TCF7L2: variants seen among roughly 807,000 people sequenced by gnomAD.
The protein encoded by TCF7L2 is transcription factor 7-like 2.
Under a neutral mutation model 77.9 loss-of-function variants are expected in TCF7L2, and 23 were observed. The ratio of observed to expected loss-of-function variants is 0.30; its 90% CI spans 0.21 to 0.42. TCF7L2 has a LOEUF of 0.42. Among genes scored for constraint, TCF7L2 ranks in the 10% least tolerant of loss-of-function variants. The pLI is 1.00. For missense variants in TCF7L2, 654 were observed against 793.1 expected (o/e 0.82, Z 2.11); for synonymous variants, 413 against 340.2 (o/e 1.21, Z -2.36).
chr10:113,116,282 C>G (rs546383907), intron 5 of TCF7L2, among the ~76,000 whole-genome samples: 4 of 152,102 alleles, frequency 2.6e-5, no homozygotes, highest in African/African-American at 4.8e-5. Flanking sequence ...AGATTTGATA[C>G]TCTCAAGTAT....
At chr10:113,130,161 C>G (rs1356933809) in intron 5 of TCF7L2, among the ~76,000 whole-genome samples, 6 of 152,036 alleles carry the variant, frequency 3.9e-5, no homozygotes. Context: ...TTCTTTGAGT[C>G]CTTTTCACAG....
At chr10:113,165,519 C>T (rs1444858019) in intron 13 of TCF7L2, 36 bp from the exon 15 acceptor site, 55 of 1,602,526 alleles carry the variant, frequency 3.4e-5, no homozygotes, top group Non-Finnish European at 4.6e-5. Flanking sequence ...GCATCTGTGC[C>T]CTCTATTCAC....
chr10:112,980,222 G>A (rs1033395853), intron 4 of TCF7L2, among the ~76,000 whole-genome samples: 3 of 152,208 alleles, frequency 2.0e-5, no homozygotes, highest in South Asian at 2.1e-4. Context: ...GAAAGCCTCC[G>A]CTTTGCGGGT....
At chr10:112,996,418 T>G (rs1487245623) in intron 4 of TCF7L2, among the ~76,000 whole-genome samples, 1 of 152,064 alleles carries the variant, frequency 6.6e-6, no homozygotes, top group Non-Finnish European at 1.5e-5. Flanking sequence ...CCTAAGATAC[T>G]AAAGGAAATA....
At chr10:112,986,132 G>C (rs143327554) in intron 4 of TCF7L2, among the ~76,000 whole-genome samples, 2 of 151,998 alleles carry the variant, frequency 1.3e-5, no homozygotes, top group African/African-American at 4.8e-5. Context: ...TGGTTATGTG[G>C]GTACTCAGGC....
intron 4 of TCF7L2, among the ~76,000 whole-genome samples, chr10:113,006,642 T>C (rs2045603999): frequency 6.6e-6 from 1 of 152,242 alleles, no homozygotes; most frequent in Non-Finnish European, 1.5e-5. Flanking sequence ...TACTTCTGAT[T>C]CCTATAGCCA....
intron 5 of TCF7L2, among the ~76,000 whole-genome samples, chr10:113,101,592 C>T (rs2061642000): frequency 6.6e-6 from 1 of 151,950 alleles, no homozygotes; most frequent in South Asian, 2.1e-4. Flanking sequence ...CCTGTAATCC[C>T]AGCACTTTGG....
At chr10:112,988,164 C>G (rs1313137630) in intron 4 of TCF7L2, among the ~76,000 whole-genome samples, 2 of 151,590 alleles carry the variant, frequency 1.3e-5, no homozygotes, top group Non-Finnish European at 2.9e-5. Context: ...TACAGTGGCT[C>G]TCAGCTCACG....
At chr10:113,038,499 A>T (rs968925338) in intron 4 of TCF7L2, among the ~76,000 whole-genome samples, 1 of 152,058 alleles carries the variant, frequency 6.6e-6, no homozygotes, top group Non-Finnish European at 1.5e-5. Context: ...TTTGGTTTGA[A>T]TTTGCCAAGC....
intron 5 of TCF7L2, among the ~76,000 whole-genome samples, chr10:113,076,722 CT>C (rs1335286243): frequency 1.3e-5 from 2 of 152,146 alleles, no homozygotes; most frequent in African/African-American, 4.8e-5. Context: ...TGTTAAGTGG[CT>C]TTGTTGAAGA....
chr10:113,164,768 G>A (rs904214087), intron 13 of TCF7L2, among the ~76,000 whole-genome samples: 7 of 149,230 alleles, frequency 4.7e-5, no homozygotes, highest in Non-Finnish European at 3.0e-5. Flanking sequence ...TTTTTGTTTC[G>A]TTTTTTGTTT....
In TCF7L2 at chr10:112,992,068, C is replaced by T. The variant is rs142084542; in HGVS notation, c.450+27444C>T. ...ACAAAGCATGTCTGAACAAGAGCTC[C>T]GTTGTTCATTCCCAGCCCTGTTACC... On this transcript the variant is annotated intron_variant, in intron 4 of 13. Coordinates refer to ENST00000627217, the MANE Select transcript of TCF7L2 (RefSeq NM_001146274.2). Among the ~76,000 whole-genome samples the T allele has an allele frequency of 3.1e-3, 467 of 152,236 alleles. 6 individuals are homozygous for T. The highest frequency in any genetic ancestry group is 0.011 in the African/African-American group (455 of 41,544).
At chr10:113,105,687 G>A (rs1323652310) in intron 5 of TCF7L2, among the ~76,000 whole-genome samples, 3 of 152,136 alleles carry the variant, frequency 2.0e-5, no homozygotes, top group Non-Finnish European at 4.4e-5. Flanking sequence ...TCTTTGCTCT[G>A]CCTTTCTTCG....
intron 3 of TCF7L2, among the ~76,000 whole-genome samples, chr10:112,962,417 C>T (rs2035499818): frequency 1.3e-5 from 2 of 152,088 alleles, no homozygotes; most frequent in Non-Finnish European, 2.9e-5. Flanking sequence ...ACTTTCTGGC[C>T]AAGAATTCCA....
chr10:113,036,749 A>C (rs116591429), intron 4 of TCF7L2, among the ~76,000 whole-genome samples: 2 of 151,984 alleles, frequency 1.3e-5, no homozygotes, highest in African/African-American at 2.4e-5. Context: ...AGGAATTCCC[A>C]CAGCCCCATT....
In TCF7L2 at chr10:113,074,079, G is replaced by T. The variant is rs1285836827; in HGVS notation, c.552+33953G>T. Among the ~76,000 whole-genome samples the T allele has an allele frequency of 2.0e-5, 3 of 152,214 alleles. No individual in the cohort carries two copies. The South Asian group carries it at 6.2e-4, about 32-fold the overall frequency. Reference sequence around the variant, plus strand: ...CTGGGTGGTTTCTGGGGCGGTCGCAGGCTGACTAACACACCAAAGGTCAGC... The same window carrying T: ...CTGGGTGGTTTCTGGGGCGGTCGCATGCTGACTAACACACCAAAGGTCAGC... On this transcript the variant is annotated intron_variant, in intron 5 of 13. Transcript: ENST00000627217.
intron 5 of TCF7L2, among the ~76,000 whole-genome samples, chr10:113,111,977 GT>G (rs2063187582): frequency 6.6e-6 from 1 of 152,028 alleles, no homozygotes; most frequent in Non-Finnish European, 1.5e-5. Context: ...AAACAAGATG[GT>G]TTTGAAAAAA....
At chr10:112,979,521 C>A (rs2040083059) in intron 4 of TCF7L2, among the ~76,000 whole-genome samples, 1 of 152,148 alleles carries the variant, frequency 6.6e-6, no homozygotes, top group African/African-American at 2.4e-5. Context: ...CTTTGGGAAG[C>A]CGAGGCGGGC....
intron 5 of TCF7L2, among the ~76,000 whole-genome samples, chr10:113,078,828 C>A (rs938148170): frequency 6.6e-6 from 1 of 150,954 alleles, no homozygotes; most frequent in Non-Finnish European, 1.5e-5. Flanking sequence ...ACAGCAGATT[C>A]TTTTTTTGTT....
Sources: gnomAD v4.1 joint callset for allele counts (sites outside exome capture counted in the v4.1 genomes callset) on GRCh38, gnomAD v4.1.1 for gene constraint, MANE v1.5 for transcripts, NCBI Gene and HGNC (gene_info 2026-07-23, HGNC 2026-07-21) for gene names.